CACNA1C: variants seen among roughly 807,000 people sequenced by gnomAD.
CACNA1C encodes calcium voltage-gated channel subunit alpha1 C.
In CACNA1C, 30 loss-of-function variants were observed where a neutral mutation model predicts 229.0. The observed-to-expected ratio is 0.13, with a 90% confidence interval of 0.10 to 0.18. The LOEUF (loss-of-function observed/expected upper bound fraction) is 0.18. CACNA1C is among the 10% of genes least tolerant of loss of function. The pLI is 1.00. For missense variants in CACNA1C, 1,658 were observed against 2,845.0 expected (o/e 0.58, Z 9.49); for synonymous variants, 1,114 against 1,132.5 (o/e 0.98, Z 0.33).
At chr12:2,641,439 A>C in intron 30 of CACNA1C, 1 of 459,948 alleles carries the variant, frequency 2.2e-6, no homozygotes, top group Non-Finnish European at 3.9e-6. Context: ...TAGGACACAT[A>C]GATTAAATCA....
intron 3 of CACNA1C, among the ~76,000 whole-genome samples, chr12:2,168,250 AG>A (rs1460205509): frequency 6.6e-6 from 1 of 152,234 alleles, no homozygotes; most frequent in Non-Finnish European, 1.5e-5. Context: ...AACTGTTCTT[AG>A]AAACATTGCT....
intron 18 of CACNA1C, among the ~76,000 whole-genome samples, chr12:2,591,656 A>G (rs920009956): frequency 6.6e-6 from 1 of 152,186 alleles, no homozygotes; most frequent in African/African-American, 2.4e-5. Context: ...GAGAGAGAGC[A>G]TGAGGAAGGA....
At chr12:2,102,299 G>A (rs917928016) in intron 1 of CACNA1C, among the ~76,000 whole-genome samples, 1 of 152,242 alleles carries the variant, frequency 6.6e-6, no homozygotes, top group African/African-American at 2.4e-5. Context: ...TGGCAACACT[G>A]TACTAGGATT....
Position 2,639,959 on chromosome 12 carries a change from T to G in CACNA1C, c.3912+5579T>G, listed in dbSNP as rs933599141. ...TGGCCCTGGAGCTTCTGGGCACAGCTCTCAGGAGGAATTGCTGGAGGCTTT... is the reference window on the plus strand; with the variant it reads ...TGGCCCTGGAGCTTCTGGGCACAGCGCTCAGGAGGAATTGCTGGAGGCTTT... On this transcript the variant is annotated intron_variant, in intron 30 of 46. Coordinates refer to ENST00000399655, the MANE Select transcript of CACNA1C (RefSeq NM_000719.7). The surrounding 1 kb of genome is among the most constrained non-coding windows in gnomAD (Gnocchi z 4.2). Among the ~76,000 whole-genome samples, 6 of 152,032 alleles carry G rather than the reference T, an allele frequency of 3.9e-5. No individual in the cohort carries two copies. Among genetic ancestry groups the G allele is most frequent in the Non-Finnish European group, 5.9e-5 (4 of 68,004 alleles).
intron 29 of CACNA1C, among the ~76,000 whole-genome samples, chr12:2,629,954 A>G (rs2089530569): frequency 6.6e-6 from 1 of 152,206 alleles, no homozygotes; most frequent in Non-Finnish European, 1.5e-5. Context: ...GGAGAGGCCC[A>G]TCTTATGAAC....
At chr12:2,148,535 A>G (rs2094933729) in intron 3 of CACNA1C, among the ~76,000 whole-genome samples, 1 of 151,098 alleles carries the variant, frequency 6.6e-6, no homozygotes, top group South Asian at 2.1e-4. Context: ...TGTGCCAGGA[A>G]CTTTGAATTT....
At chr12:2,059,675 C>T (rs888357897) in intron 1 of CACNA1C, among the ~76,000 whole-genome samples, 1 of 152,132 alleles carries the variant, frequency 6.6e-6, no homozygotes, top group African/African-American at 2.4e-5. Flanking sequence ...TGTAATGTCT[C>T]TTTGGGAATT....
chr12:2,593,065 A>T (rs896480219), intron 18 of CACNA1C, 148 bp from the exon 19 acceptor site: 13 of 814,886 alleles, frequency 1.6e-5, no homozygotes, highest in Admixed American at 1.1e-4. Context: ...CTGCAGCAGC[A>T]CCCACAGGGA....
intron 22 of CACNA1C, among the ~76,000 whole-genome samples, chr12:2,604,854 T>A (rs756940232): frequency 6.6e-6 from 1 of 152,116 alleles, no homozygotes; most frequent in East Asian, 1.9e-4. Flanking sequence ...TTGCATATTA[T>A]TTAGTCACCC....
At chr12:2,365,736 C>T (rs2097703272) in intron 3 of CACNA1C, among the ~76,000 whole-genome samples, 1 of 152,174 alleles carries the variant, frequency 6.6e-6, no homozygotes, top group African/African-American at 2.4e-5. Flanking sequence ...TGATATACTT[C>T]CTAAGAACAT....
rs963372774 is a variant in CACNA1C, at chr12:2,285,637, G to A, written c.478-163339G>A. On this transcript the variant is annotated intron_variant, in intron 3 of 46. Coordinates refer to ENST00000399655, the MANE Select transcript of CACNA1C (RefSeq NM_000719.7). The surrounding 1 kb of genome is among the most constrained non-coding windows in gnomAD (Gnocchi z 4.2). Reference sequence around the variant, plus strand: ...TGGAATCACTCAAAGCAGAGTGATGGACGAGACTTACTTTCGACGTTCCTA... The same window carrying A: ...TGGAATCACTCAAAGCAGAGTGATGAACGAGACTTACTTTCGACGTTCCTA... Among the ~76,000 whole-genome samples the A allele has an allele frequency of 6.6e-6, 1 of 152,160 alleles. No homozygotes were observed. The highest frequency in any genetic ancestry group is 2.4e-5 in the African/African-American group (1 of 41,442).
intron 7 of CACNA1C, among the ~76,000 whole-genome samples, chr12:2,495,330 A>G (rs1291022875): frequency 6.6e-6 from 1 of 152,244 alleles, no homozygotes; most frequent in Non-Finnish European, 1.5e-5. Context: ...TTCTGCCTAC[A>G]GGCCACATAG....
intron 9 of CACNA1C, among the ~76,000 whole-genome samples, chr12:2,522,369 C>A (rs1598809633): frequency 1.3e-5 from 2 of 152,380 alleles, no homozygotes; most frequent in East Asian, 1.9e-4. Flanking sequence ...GAATTGAATT[C>A]TCTTCGGATC....
intron 4 of CACNA1C, among the ~76,000 whole-genome samples, chr12:2,454,478 C>T (rs2099404150): frequency 6.6e-6 from 1 of 152,192 alleles, no homozygotes; most frequent in African/African-American, 2.4e-5. Context: ...ACCCTCCTTC[C>T]AGCCAGCTCA....
chr12:2,082,988 C>T (rs946371460), intron 1 of CACNA1C, among the ~76,000 whole-genome samples: 1 of 152,170 alleles, frequency 6.6e-6, no homozygotes, highest in Non-Finnish European at 1.5e-5. Flanking sequence ...TTCGTTTAAT[C>T]ATGGACTGTG....
intron 44 of CACNA1C, 39 bp from the exon 45 acceptor site, chr12:2,686,127 T>A: frequency 3.3e-6 from 5 of 1,535,832 alleles, no homozygotes; most frequent in Non-Finnish European, 4.5e-6. Context: ...AGTGCCCTGT[T>A]TTCCTGCCCT....
chr12:2,320,651 G>T (rs1227644067), intron 3 of CACNA1C, among the ~76,000 whole-genome samples: 1 of 152,174 alleles, frequency 6.6e-6, no homozygotes, highest in East Asian at 1.9e-4. Flanking sequence ...TCTGGGGGTG[G>T]ATGGTTCTTT....
chr12:2,544,989 C>T (rs2154591670), intron 9 of CACNA1C, among the ~76,000 whole-genome samples: 1 of 152,290 alleles, frequency 6.6e-6, no homozygotes. Flanking sequence ...ATTCAGAAAG[C>T]TGTAGTGAAT....
intron 29 of CACNA1C, chr12:2,614,830 TTTCA>T: frequency 6.6e-6 from 1 of 152,352 alleles, no homozygotes; most frequent in South Asian, 2.1e-4. Flanking sequence ...TGCTTCATTC[TTTCA>T]TTGTTTTCAT....
Sources: allele counts gnomAD v4.1 joint callset (sites outside exome capture counted in the v4.1 genomes callset), GRCh38; gene constraint gnomAD v4.1.1; non-coding constraint Gnocchi (gnomAD v3.1); transcripts MANE v1.5; gene names NCBI Gene and HGNC (gene_info 2026-07-23, HGNC 2026-07-21).